The following LMF1 variants were observed in gnomAD, a reference collection of about 807,000 sequenced individuals.
LMF1 encodes lipase maturation factor 1.
LMF1 carries 68 observed loss-of-function variants against 60.6 expected under a neutral mutation model. That is an observed-to-expected ratio of 1.12 (90% CI 0.92 to 1.37). The LOEUF is 1.37. LMF1 is among the 40% of genes most tolerant of loss of function. The pLI is 0.00. For synonymous variants in LMF1, 418 were observed against 324.7 expected, an observed-to-expected ratio of 1.29 and a Z score of -3.09; for missense variants, 948 against 767.2, an observed-to-expected ratio of 1.24 and a Z score of -2.78.
intron 10 of LMF1, among the ~76,000 whole-genome samples, chr16:864,630 T>C (rs972724859): frequency 2.0e-5 from 3 of 152,066 alleles, no homozygotes; most frequent in African/African-American, 7.3e-5. Context: ...TATCAGGGCA[T>C]AAGCTCATTA....
At position 918,963 on chromosome 16, in the gene LMF1, G is replaced by C. The variant is rs542701610; in HGVS notation, c.515-7884C>G. ...GATGTGGGTCTCACTCCCGAGTAGC[G>C]GTGGGACGAGCTCTCGGCACCTGCT... On this transcript the variant is annotated intron_variant, in intron 3 of 10. Coordinates refer to ENST00000262301, the MANE Select transcript of LMF1 (RefSeq NM_022773.4). Among the ~76,000 whole-genome samples, 141 of 151,564 alleles carry C rather than the reference G, an allele frequency of 9.3e-4. 3 individuals carry two copies. In the South Asian group the frequency reaches 0.028, roughly 30 times the overall value.
At chr16:952,253 A>G (rs2072491301) in intron 2 of LMF1, among the ~76,000 whole-genome samples, 1 of 151,998 alleles carries the variant, frequency 6.6e-6, no homozygotes, top group Non-Finnish European at 1.5e-5. Context: ...AGCAACAGCC[A>G]CACAGTGGGG....
chr16:856,761 G>T (rs1482191204), intron 10 of LMF1, among the ~76,000 whole-genome samples: 1 of 152,270 alleles, frequency 6.6e-6, no homozygotes, highest in Non-Finnish European at 1.5e-5. Context: ...TGCAGACAAA[G>T]TACCCGAGAA....
chr16:917,930 G>A (rs910661169), intron 3 of LMF1, among the ~76,000 whole-genome samples: 6 of 152,214 alleles, frequency 3.9e-5, no homozygotes, highest in African/African-American at 7.2e-5. Flanking sequence ...GCGTCTGCCC[G>A]CTGGCCATGT....
intron 2 of LMF1, among the ~76,000 whole-genome samples, chr16:936,891 C>T (rs1009580745): frequency 6.6e-6 from 1 of 152,152 alleles, no homozygotes; most frequent in African/African-American, 2.4e-5. Context: ...GGCTTAAGCC[C>T]AGGAGTTCCA....
intron 5 of LMF1, among the ~76,000 whole-genome samples, chr16:888,555 C>T (rs2070379496): frequency 6.6e-6 from 1 of 152,230 alleles, no homozygotes; most frequent in Non-Finnish European, 1.5e-5. Context: ...GCCATCCCTG[C>T]TGCTAAAAGC....
At chr16:956,167 G>A (rs1323570078) in intron 1 of LMF1, among the ~76,000 whole-genome samples, 29 of 98,108 alleles carry the variant, frequency 3.0e-4, no homozygotes, top group African/African-American at 4.5e-4. Context: ...GTCTCACGGC[G>A]CCCACCCCAC....
At chr16:978,488 C>A (rs1449727733) in intron 1 of LMF1, among the ~76,000 whole-genome samples, 1 of 152,182 alleles carries the variant, frequency 6.6e-6, no homozygotes, top group Non-Finnish European at 1.5e-5. Context: ...AGCCTGTCCA[C>A]CCACATTCTT....
upstream of LMF1, chr16:981,611 G>C (rs1031688326): frequency 6.8e-6 from 1 of 146,740 alleles, no homozygotes; most frequent in Non-Finnish European, 1.5e-5. Flanking sequence ...GGCAGGCGGG[G>C]GCGCGGCGAG....
At chr16:918,278 C>T (rs528750089) in intron 3 of LMF1, among the ~76,000 whole-genome samples, 271 of 152,292 alleles carry the variant, frequency 1.8e-3, no homozygotes, top group Non-Finnish European at 3.2e-3. Flanking sequence ...GCGGCTTGTT[C>T]GTACTTGGTT....
At chr16:954,910 A>T (rs1318168937) in intron 1 of LMF1, among the ~76,000 whole-genome samples, 1 of 146,822 alleles carries the variant, frequency 6.8e-6, no homozygotes, top group African/African-American at 2.5e-5. Context: ...TAAGTGAACT[A>T]GACACGTTAC....
intron 9 of LMF1, 191 bp downstream of exon 9, chr16:869,692 C>A (rs2069719381): frequency 1.4e-6 from 1 of 690,470 alleles, no homozygotes; most frequent in Non-Finnish European, 2.5e-6. Flanking sequence ...GCTGGGCTCC[C>A]ACATGAGGCC....
chr16:934,172 G>C (rs2071872845), intron 3 of LMF1, 72 bp downstream of exon 3: 1 of 1,598,522 alleles, frequency 6.3e-7, no homozygotes, highest in South Asian at 1.1e-5. Context: ...GCCAGGAAAA[G>C]TGCGTGAAGA....
rs2151678055 is a variant in LMF1, at chr16:857,508, T to TCGGGACGGGTGTTAGTGGTGTCA, written c.1530-2803_1530-2802insTGACACCACTAACACCCGTCCCG. ...TCACCGGACGGGTGTGAGTGGTGTCTCGGGACGGGTGTGAGTGGTGTCACG... is the reference window on the plus strand; with the variant it reads ...TCACCGGACGGGTGTGAGTGGTGTCTCGGGACGGGTGTTAGTGGTGTCACGGGACGGGTGTGAGTGGTGTCACG... On this transcript the variant is annotated intron_variant, in intron 10 of 10. Transcript: ENST00000262301. Among the ~76,000 whole-genome samples, 2 of 61,680 alleles carry TCGGGACGGGTGTTAGTGGTGTCA rather than the reference T, an allele frequency of 3.2e-5. 1 individual carries two copies. Among genetic ancestry groups the TCGGGACGGGTGTTAGTGGTGTCA allele is most frequent in the African/African-American group, 1.7e-4 (2 of 11,564 alleles). 40.5% of individuals were successfully genotyped at this position (61,680 alleles called of 152,430 possible).
intron 3 of LMF1, among the ~76,000 whole-genome samples, chr16:916,554 T>C (rs1326249740): frequency 6.6e-6 from 1 of 152,172 alleles, no homozygotes; most frequent in Non-Finnish European, 1.5e-5. Context: ...GGCTGGATGA[T>C]GGGGGCTGGG....
At chr16:916,440 C>T (rs1297461477) in intron 3 of LMF1, among the ~76,000 whole-genome samples, 3 of 152,214 alleles carry the variant, frequency 2.0e-5, no homozygotes, top group African/African-American at 7.2e-5. Context: ...AAGTTTCCTT[C>T]ATTTTTACAG....
intron 2 of LMF1, among the ~76,000 whole-genome samples, chr16:948,762 G>A (rs2072330799): frequency 2.1e-5 from 3 of 141,404 alleles, no homozygotes; most frequent in African/African-American, 8.1e-5. Flanking sequence ...CAGAGCCAAC[G>A]ACAGAGTCAG....
At chr16:904,854 G>A (rs929419507) in intron 4 of LMF1, 1 of 95,774 alleles carries the variant, frequency 1.0e-5, no homozygotes, top group Non-Finnish European at 1.8e-5. Context: ...GGTGACCTCT[G>A]CACTGCCTGT....
chr16:907,675 C>T (rs371621415), intron 4 of LMF1, among the ~76,000 whole-genome samples: 93 of 152,226 alleles, frequency 6.1e-4, no homozygotes, highest in African/African-American at 2.0e-3. Flanking sequence ...CCCAAGTGCG[C>T]GAGCGGGGGA....
Sources: gnomAD v4.1 joint callset for allele counts (sites outside exome capture counted in the v4.1 genomes callset) on GRCh38, gnomAD v4.1.1 for gene constraint, MANE v1.5 for transcripts, NCBI Gene and HGNC (gene_info 2026-07-23, HGNC 2026-07-21) for gene names.